XPR1: variants seen among roughly 807,000 people sequenced by gnomAD.
XPR1 encodes solute carrier family 53 member 1.
Under a neutral mutation model 87.5 loss-of-function variants are expected in XPR1, and 28 were observed. The ratio of observed to expected loss-of-function variants is 0.32; its 90% confidence interval spans 0.24 to 0.44. XPR1 has a LOEUF of 0.44. Among genes scored for constraint, XPR1 ranks in the 20% least tolerant of loss-of-function variants. The pLI, the probability that XPR1 is intolerant of heterozygous loss-of-function variation, is 1.00. For missense variants in XPR1, 559 were observed against 862.3 expected, an observed-to-expected ratio of 0.65 and a Z score of 4.41; for synonymous variants, 300 against 306.1, an observed-to-expected ratio of 0.98 and a Z score of 0.21.
chr1:180,659,666 C>T (rs1377596251), intron 1 of XPR1, among the ~76,000 whole-genome samples: 1 of 147,776 alleles, frequency 6.8e-6, no homozygotes, highest in Non-Finnish European at 1.5e-5. Flanking sequence ...TTACAGGCAC[C>T]TGCCACCATG....
intron 2 of XPR1, among the ~76,000 whole-genome samples, chr1:180,684,617 T>C (rs1375861735): frequency 6.6e-6 from 1 of 152,194 alleles, no homozygotes; most frequent in African/African-American, 2.4e-5. Flanking sequence ...TTCCTACCCA[T>C]GAGCATGGAA....
At chr1:180,797,723 A>T (rs1338129167) in intron 3 of XPR1, among the ~76,000 whole-genome samples, 1 of 152,084 alleles carries the variant, frequency 6.6e-6, no homozygotes, top group East Asian at 1.9e-4. Flanking sequence ...AAATCCTTGT[A>T]TTATTTCATT....
At chr1:180,736,115 A>T (rs1658721750) in intron 2 of XPR1, among the ~76,000 whole-genome samples, 2 of 152,206 alleles carry the variant, frequency 1.3e-5, no homozygotes, top group African/African-American at 4.8e-5. Flanking sequence ...ATATGATGGG[A>T]ATGTAACATA....
At chr1:180,739,126 A>G (rs1221934626) in intron 2 of XPR1, among the ~76,000 whole-genome samples, 1 of 152,218 alleles carries the variant, frequency 6.6e-6, no homozygotes, top group Non-Finnish European at 1.5e-5. Context: ...TTGTTAAAAA[A>G]GAGTCTCTCT....
At position 180,694,362 on chromosome 1, in the gene XPR1, C is replaced by G. The variant is rs1571732638; in HGVS notation, c.121+11951C>G. 2.0e-5 allele frequency among the ~76,000 whole-genome samples: 3 copies of G among 152,228 alleles called. No individual in the cohort carries two copies. In the South Asian group the frequency reaches 6.2e-4, roughly 32 times the overall value. On this transcript the variant is annotated intron_variant, in intron 2 of 14. Coordinates refer to ENST00000367590, the MANE Select transcript of XPR1 (RefSeq NM_004736.4). The stretch of plus-strand genomic sequence containing the variant: ...AGGCATTTGCTTCACGTGTTTCTAC[C>G]TGCTGTATTGTGAAAGGAGCAGTCA...
intron 2 of XPR1, among the ~76,000 whole-genome samples, chr1:180,771,281 G>GT (rs1197909251): frequency 5.3e-5 from 8 of 151,228 alleles, no homozygotes; most frequent in African/African-American, 1.5e-4. Context: ...AGTTTGAATT[G>GT]GTTTTTTTTT....
chr1:180,675,317 A>G (rs1365984937), intron 1 of XPR1, among the ~76,000 whole-genome samples: 1 of 152,186 alleles, frequency 6.6e-6, no homozygotes, highest in Non-Finnish European at 1.5e-5. Flanking sequence ...CAGACAGGGT[A>G]ATAGTCAATT....
chr1:180,875,836 AAAG>A (rs1204765262), intron 13 of XPR1, among the ~76,000 whole-genome samples: 3 of 152,108 alleles, frequency 2.0e-5, no homozygotes, highest in African/African-American at 7.2e-5. Flanking sequence ...ATAAAGCAAA[AAAG>A]AAAAGGAAGT....
At chr1:180,694,630 AT>A (rs60523233) in intron 2 of XPR1, among the ~76,000 whole-genome samples, 6,544 of 149,780 alleles carry the variant, frequency 0.044, 504 homozygotes, top group African/African-American at 0.15. Flanking sequence ...CCCTTCCCCA[AT>A]TTTTTTTTTG....
intron 9 of XPR1, among the ~76,000 whole-genome samples, chr1:180,828,500 G>C: frequency 6.6e-6 from 1 of 152,032 alleles, no homozygotes; most frequent in East Asian, 1.9e-4. Context: ...TTAAAAGTAA[G>C]CTAATTAAAA....
chr1:180,668,123 C>CTTTTTT (rs758456790), intron 1 of XPR1, among the ~76,000 whole-genome samples: 44 of 94,668 alleles, frequency 4.6e-4, no homozygotes, highest in South Asian at 6.9e-4. Context: ...TTCCCTCTAT[C>CTTTTTT]TTTTTTTTTT....
At chr1:180,790,327 A>G (rs775770774) in intron 3 of XPR1, among the ~76,000 whole-genome samples, 18 of 151,904 alleles carry the variant, frequency 1.2e-4, no homozygotes, top group Non-Finnish European at 2.1e-4. Context: ...CTTTATACCA[A>G]TTCAATCTCC....
chr1:180,832,238 G>T lies in XPR1; in HGVS notation c.1135-2636G>T, dbSNP rs529199323. Among the ~76,000 whole-genome samples the T allele has an allele frequency of 3.7e-4, 56 of 150,544 alleles. 1 individual carries two copies. The South Asian group carries it at 6.9e-3, about 19-fold the overall frequency. ...CATATCCTTCACCCACTTTTTGATG[G>T]TTTTTTTTTCTTGTAAATTTGTTTA... On this transcript the variant is annotated intron_variant, in intron 9 of 14. Transcript: ENST00000367590.
At chr1:180,647,600 G>T (rs1321826091) in intron 1 of XPR1, among the ~76,000 whole-genome samples, 1 of 152,106 alleles carries the variant, frequency 6.6e-6, no homozygotes, top group African/African-American at 2.4e-5. Context: ...GCAAGCTTTA[G>T]AATATAGCAC....
intron 1 of XPR1, among the ~76,000 whole-genome samples, chr1:180,673,632 T>C (rs1656262826): frequency 6.6e-6 from 1 of 152,194 alleles, no homozygotes; most frequent in South Asian, 2.1e-4. Context: ...GGCGTTAGAT[T>C]CTCATAGGAG....
At chr1:180,659,111 C>A (rs1326136853) in intron 1 of XPR1, among the ~76,000 whole-genome samples, 1 of 120,244 alleles carries the variant, frequency 8.3e-6, no homozygotes. Flanking sequence ...TCCCTCCCTT[C>A]CTCCCTCCCT....
intron 2 of XPR1, among the ~76,000 whole-genome samples, chr1:180,757,524 T>TA (rs1647794728): frequency 2.0e-5 from 3 of 147,296 alleles, no homozygotes; most frequent in South Asian, 4.3e-4. Context: ...TTTTTTTTTT[T>TA]AAAGAGTTAA....
At chr1:180,670,302 C>T (rs1006746281) in intron 1 of XPR1, among the ~76,000 whole-genome samples, 3 of 151,906 alleles carry the variant, frequency 2.0e-5, no homozygotes, top group South Asian at 2.1e-4. Context: ...TTTTTTGGCC[C>T]TTATTTCCTC....
intron 7 of XPR1, among the ~76,000 whole-genome samples, chr1:180,813,652 AAC>A (rs1406210846): frequency 6.6e-6 from 1 of 152,154 alleles, no homozygotes; most frequent in African/African-American, 2.4e-5. Context: ...ATATTTAGAA[AAC>A]ACATGCACAA....
Sources: gnomAD v4.1 joint callset for allele counts (sites outside exome capture counted in the v4.1 genomes callset) on GRCh38, gnomAD v4.1.1 for gene constraint, MANE v1.5 for transcripts, NCBI Gene and HGNC (gene_info 2026-07-23, HGNC 2026-07-21) for gene names.